The following FDFT1 variants were observed in gnomAD, a reference collection of about 807,000 sequenced individuals.
FDFT1 encodes squalene synthase.
Under a neutral mutation model 46.8 loss-of-function variants are expected in FDFT1, and 68 were observed. That is an observed-to-expected ratio of 1.45 (90% CI 1.19 to 1.78). FDFT1 has a LOEUF of 1.78. FDFT1 is among the 40% of genes most tolerant of loss of function. The pLI is 0.00. For synonymous variants in FDFT1, 351 were observed against 185.1 expected (o/e 1.90, Z -7.28); for missense variants, 928 against 524.4 (o/e 1.77, Z -7.52).
At chr8:11,809,391 C>G (rs1807386299) in intron 2 of FDFT1, 2 of 1,183,676 alleles carry the variant, frequency 1.7e-6, no homozygotes, top group African/African-American at 3.2e-5. Context: ...CTTCTGGTCT[C>G]CATAGTTCTA....
At chr8:11,828,114 C>T (rs946625865) in intron 5 of FDFT1, among the ~76,000 whole-genome samples, 1 of 151,564 alleles carries the variant, frequency 6.6e-6, no homozygotes, top group African/African-American at 2.4e-5. Flanking sequence ...ATGTGAGACT[C>T]CATTTAAAAA....
intron 7 of FDFT1, 70 bp downstream of exon 7, chr8:11,831,740 C>T: frequency 3.1e-6 from 4 of 1,295,238 alleles, no homozygotes; most frequent in Non-Finnish European, 4.5e-6. Flanking sequence ...ACTGTTTAAC[C>T]AGGTTTGGAT....
At position 11,838,643 on chromosome 8, in the gene FDFT1, A is replaced by T; in HGVS notation, c.*34A>T. On this transcript the variant is annotated 3_prime_UTR_variant, in exon 8 of 8. Transcript: ENST00000220584. ...TTGTCCATAGCTGAAGTCCACCATA[A>T]AGTGGATTTACTTTTTTTCTTTAAG... 6.7e-7 allele frequency: 1 copy of T among 1,496,054 alleles called. No homozygotes were observed. Among genetic ancestry groups the T allele is most frequent in the Non-Finnish European group, 9.3e-7 (1 of 1,072,388 alleles). The allele number at this position is 1,496,054 out of a possible 1,614,324, so 92.7% of individuals were successfully genotyped here. A position where few individuals can be genotyped will look rare whatever the true frequency, so the allele number is the denominator to read the frequency against.
At chr8:11,803,308 A>T in intron 1 of FDFT1, 1 of 1,303,592 alleles carries the variant, frequency 7.7e-7, no homozygotes, top group Non-Finnish European at 1.0e-6. Context: ...TGGTAAGCGG[A>T]ATGAACTATG....
At chr8:11,822,860 A>T (rs1166680172) in intron 4 of FDFT1, among the ~76,000 whole-genome samples, 1 of 152,222 alleles carries the variant, frequency 6.6e-6, no homozygotes, top group African/African-American at 2.4e-5. Flanking sequence ...AAGAACCAGC[A>T]CTGGTTATGA....
intron 4 of FDFT1, among the ~76,000 whole-genome samples, chr8:11,825,539 CAAAAAAA>C (rs35076894): frequency 2.1e-5 from 2 of 94,792 alleles, no homozygotes; most frequent in Admixed American, 1.1e-4. Context: ...GACTTGATCT[CAAAAAAA>C]AAAAAAAAAA....
rs146518958 is a variant in FDFT1, at chr8:11,825,096, A to G, written c.511-928A>G. Among the ~76,000 whole-genome samples, 278 of 152,330 alleles carry G rather than the reference A, an allele frequency of 1.8e-3. 2 individuals are homozygous for G. Among genetic ancestry groups the G allele is most frequent in the Non-Finnish European group, 2.7e-3 (187 of 68,040 alleles). On this transcript the variant is annotated intron_variant, in intron 4 of 7. Transcript: ENST00000220584. ...AAAATAGTTATTTGTTCTTTCATAT[A>G]ATGATGATTTTGAGGGCCTGCGGAT...
upstream of FDFT1, among the ~76,000 whole-genome samples, chr8:11,798,503 C>A (rs1031048043): frequency 6.6e-6 from 1 of 152,154 alleles, no homozygotes; most frequent in Non-Finnish European, 1.5e-5. Context: ...TATTTGTTTT[C>A]TTGGACTCCA....
At chr8:11,802,588 TC>T (rs1806257969), upstream of FDFT1, 4 of 624,224 alleles carry the variant, frequency 6.4e-6, no homozygotes, top group African/African-American at 3.6e-5. Context: ...GCCGGGGTCT[TC>T]CTAGTGTGAG....
chr8:11,801,962 T>A, upstream of FDFT1: 1 of 455,698 alleles, frequency 2.2e-6, no homozygotes, highest in Non-Finnish European at 4.4e-6. Flanking sequence ...GTGTTGCGAT[T>A]ACAGGCGTGA....
intron 5 of FDFT1, among the ~76,000 whole-genome samples, chr8:11,829,614 C>T (rs58057768): frequency 0.02 from 3,040 of 152,000 alleles, 105 homozygotes; most frequent in African/African-American, 0.069. Context: ...AGAAGTAGGC[C>T]AGTAGCTCTA....
intron 1 of FDFT1, chr8:11,808,174 C>T (rs779481655): frequency 1.1e-4 from 91 of 807,802 alleles, no homozygotes; most frequent in Admixed American, 7.0e-4. Context: ...AAGACAGATG[C>T]GTTGAGTACA....
intron 3 of FDFT1, among the ~76,000 whole-genome samples, chr8:11,818,532 A>G (rs1442446557): frequency 2.0e-5 from 3 of 152,156 alleles, no homozygotes; most frequent in Admixed American, 2.0e-4. Flanking sequence ...TTGCTTTATG[A>G]ATCTGGGTGC....
intron 5 of FDFT1, among the ~76,000 whole-genome samples, chr8:11,826,884 C>A (rs530057225): frequency 1.3e-5 from 2 of 152,142 alleles, no homozygotes; most frequent in African/African-American, 4.8e-5. Context: ...CAGCTGAGTT[C>A]TCTGGCCTCG....
intron 7 of FDFT1, 94 bp from the exon 8 acceptor site, chr8:11,838,294 G>C: frequency 1.1e-6 from 1 of 912,762 alleles, no homozygotes; most frequent in South Asian, 1.4e-5. Context: ...TGGTAAAATG[G>C]GTATAAAATA....
rs748342272 is a variant in FDFT1 at position 11,838,426 on chromosome 8, C to G, written c.1071C>G (p.Ser357Arg). Residue 357 changes from serine (S) to arginine (R), a missense_variant, in exon 8 of 8, where the codon AGC (serine) becomes AGG (arginine). Coordinates refer to ENST00000220584, the MANE Select transcript of FDFT1 (RefSeq NM_004462.5). The stretch of plus-strand genomic sequence containing the variant: ...TCCCCGACTCAGACCCATCTTCTAG[C>G]AAAACAAGGCAGATCATCTCCACCA... ...HRIPDSDPSS[S>R]KTRQIISTIR... The G allele has an allele frequency of 1.6e-4, 253 of 1,611,890 alleles. 2 individuals carry two copies. In the Middle Eastern group the frequency reaches 3.8e-3, roughly 24 times the overall value.
At chr8:11,802,441 G>T (rs527381721), upstream of FDFT1, 2 of 460,542 alleles carry the variant, frequency 4.3e-6, no homozygotes, top group Admixed American at 4.7e-5. Context: ...CACAGCGTTC[G>T]CGCTCCCAGC....
At chr8:11,800,518 C>G (rs938523322), upstream of FDFT1, among the ~76,000 whole-genome samples, 1 of 151,890 alleles carries the variant, frequency 6.6e-6, no homozygotes, top group Non-Finnish European at 1.5e-5. Flanking sequence ...TTAAAAGAGG[C>G]AAAGGTAGAG....
At chr8:11,836,118 A>T (rs1048266894) in intron 7 of FDFT1, among the ~76,000 whole-genome samples, 25 of 150,870 alleles carry the variant, frequency 1.7e-4, no homozygotes, top group Admixed American at 9.9e-4. Flanking sequence ...GCACCACTGC[A>T]CTCTAGCCTG....
Sources: allele counts gnomAD v4.1 joint callset (sites outside exome capture counted in the v4.1 genomes callset), GRCh38; gene constraint gnomAD v4.1.1; transcripts MANE v1.5; gene names NCBI Gene and HGNC (gene_info 2026-07-23, HGNC 2026-07-21).